SPATA21: variants seen among roughly 807,000 people sequenced by gnomAD.
SPATA21 encodes the protein spermatogenesis-associated protein 21.
Under a neutral mutation model 54.8 loss-of-function variants are expected in SPATA21, and 47 were observed. That is an observed-to-expected ratio of 0.86 (90% CI 0.68 to 1.09). The LOEUF (loss-of-function observed/expected upper bound fraction) is 1.09, where lower values mean the gene tolerates loss of function less well. SPATA21 is among the 50% of genes least tolerant of loss of function. SPATA21 has a pLI of 0.00. For synonymous variants in SPATA21, 245 were observed against 235.3 expected (o/e 1.04, Z -0.38); for missense variants, 599 against 596.4 (o/e 1.00, Z -0.05).
chr1:16,424,251 T>G (rs1224295578), intron 3 of SPATA21, among the ~76,000 whole-genome samples: 6 of 121,844 alleles, frequency 4.9e-5, no homozygotes, highest in African/African-American at 6.4e-5. Flanking sequence ...AGGCAGAGCT[T>G]GCAGTGAGCC....
At chr1:16,410,108 C>G (rs1334945483) in intron 5 of SPATA21, 65 bp from the exon 6 acceptor site, 6 of 1,308,230 alleles carry the variant, frequency 4.6e-6, no homozygotes, top group Non-Finnish European at 6.3e-6. Flanking sequence ...AATCTCCTCC[C>G]TGCCATCCCC....
At chr1:16,431,042 C>A (rs2086444788) in intron 3 of SPATA21, among the ~76,000 whole-genome samples, 1 of 152,154 alleles carries the variant, frequency 6.6e-6, no homozygotes, top group South Asian at 2.1e-4. Flanking sequence ...ATTGATCTAG[C>A]CATACCTGAA....
rs745646830 is a variant in SPATA21, at chr1:16,431,355, G to A, written c.17C>T (p.Thr6Ile). ...GGTTCTACCCTCCGTGTACATCTGG[G>A]TGTTTCTATTGTCCATGATGCCAGC... MDNRN[T>I]QMYTEEEKTV... The change falls in exon 3 of 13, where the codon ACC becomes ATC. Residue 6 changes from threonine to isoleucine, a missense_variant. Physicochemically the swap from Thr to Ile is moderately conservative, Grantham distance 89. Transcript: ENST00000335496. 1.5e-5 allele frequency: 24 copies of A among 1,614,136 alleles called. No individual in the cohort carries two copies. The highest frequency in any genetic ancestry group is 1.9e-5 in the Non-Finnish European group (23 of 1,180,022).
In SPATA21 at chr1:16,405,006, C is replaced by T; in HGVS notation, c.772G>A (p.Ala258Thr). 1 of 1,607,694 alleles carries T rather than the reference C, an allele frequency of 6.2e-7. No homozygotes were observed. Among genetic ancestry groups the T allele is most frequent in the Non-Finnish European group, 8.5e-7 (1 of 1,178,040 alleles). ...LLLMGFSVTL[A>T]QVEDALMSAD... is the part of the protein sequence containing the mutation. ...CTCATCAGGGCGTCCTCCACCTGGG[C>T]CAGCGTCACAGAGAAGCCCATTAGG... The change falls in exon 8 of 13, where the codon GCC becomes ACC. Residue 258 changes from alanine to threonine, a missense_variant. Ala to Thr is a moderately conservative substitution (Grantham distance 58). Transcript: ENST00000335496.
chr1:16,412,269 A>G lies in SPATA21; in HGVS notation c.145-2226T>C, dbSNP rs141347211. Among the ~76,000 whole-genome samples, 799 of 152,032 alleles carry G rather than the reference A, an allele frequency of 5.3e-3. 4 individuals carry two copies. Among genetic ancestry groups the G allele is most frequent in the Middle Eastern group, 0.014 (4 of 294 alleles). On this transcript the variant is annotated intron_variant, in intron 5 of 12. Transcript: ENST00000335496. ...ATTTCTTTGTCCTTCCGAATACCAG[A>G]TGTCCTCCTTGACATCTCTTCTTGG... is the stretch of plus-strand genomic sequence containing the variant.
chr1:16,429,764 G>A (rs970440254), intron 3 of SPATA21, among the ~76,000 whole-genome samples: 1 of 150,838 alleles, frequency 6.6e-6, no homozygotes, highest in Non-Finnish European at 1.5e-5. Flanking sequence ...GTGAGCCACC[G>A]CGCCCGGCTG....
intron 5 of SPATA21, among the ~76,000 whole-genome samples, chr1:16,412,989 G>T (rs113942728): frequency 6.6e-6 from 1 of 151,624 alleles, no homozygotes; most frequent in Non-Finnish European, 1.5e-5. Context: ...TCACCATGTT[G>T]GCCAGGATGG....
intron 5 of SPATA21, among the ~76,000 whole-genome samples, chr1:16,412,638 T>C (rs953068090): frequency 6.6e-6 from 1 of 151,836 alleles, no homozygotes; most frequent in African/African-American, 2.4e-5. Context: ...AATTTTTGTA[T>C]TTTTAGTAGA....
intron 8 of SPATA21, 134 bp from the exon 9 acceptor site, chr1:16,404,173 G>A (rs2085553831): frequency 6.8e-6 from 5 of 735,690 alleles, no homozygotes; most frequent in Non-Finnish European, 1.2e-5. Context: ...AGAAAACATG[G>A]GGCACACAGG....
rs141705517 is a variant in SPATA21 at position 16,409,979 on chromosome 1, G to A, written c.209C>T (p.Ala70Val). 1.4e-4 allele frequency: 219 copies of A among 1,606,032 alleles called. No individual in the cohort carries two copies. The highest frequency in any genetic ancestry group is 5.6e-4 in the South Asian group (50 of 89,874). The change falls in exon 6 of 13, where the codon GCG (alanine) becomes GTG (valine). Residue 70 changes from alanine to valine, a missense_variant. By Grantham distance (64) the Ala-to-Val change is moderately conservative. Coordinates refer to ENST00000335496, the MANE Select transcript of SPATA21 (RefSeq NM_198546.1). This position sits in a 1 kb window ranked among gnomAD's most constrained non-coding sequence, Gnocchi z 4.1. ...DRAQQQPQKP[A>V]VAAGTQSLGN... ...GAGGCTCTGTGTCCCTGCAGCCACC[G>A]CGGGCTTCTGAGGCTGCTGCTGCGC...
At chr1:16,435,512 T>C (rs951789023) in intron 1 of SPATA21, among the ~76,000 whole-genome samples, 3 of 152,078 alleles carry the variant, frequency 2.0e-5, no homozygotes, top group Admixed American at 6.6e-5. Context: ...AGACGCGGTT[T>C]TGCCATCTTG....
rs543918807 is a variant in SPATA21, at chr1:16,400,865, G to C, written c.1029C>G (p.Gly343=). The change falls in exon 11 of 13, where the codon GGC becomes GGG. Residue 343 remains glycine, a synonymous_variant. Coordinates refer to ENST00000335496, the MANE Select transcript of SPATA21 (RefSeq NM_198546.1). ...CTTCCATCTCCTGGGCCTTGCAGGT[G>C]CCTTCCTTCAGCTTTTTCTGGTAGT... The part of the protein sequence containing the change: ...TNYYQKKLKE[G]TCKAQEMEAA... The C allele has an allele frequency of 2.3e-5, 37 of 1,613,334 alleles. No individual in the cohort carries two copies. The South Asian group carries it at 4.0e-4, about 17-fold the overall frequency.
At chr1:16,413,254 T>A (rs2085905221) in intron 5 of SPATA21, among the ~76,000 whole-genome samples, 1 of 152,254 alleles carries the variant, frequency 6.6e-6, no homozygotes, top group Non-Finnish European at 1.5e-5. Context: ...AAGAATCTCA[T>A]ATAAGCAGAA....
intron 7 of SPATA21, chr1:16,408,541 G>C (rs1028463129): frequency 2.0e-6 from 2 of 985,572 alleles, no homozygotes; most frequent in East Asian, 2.3e-4. Flanking sequence ...CAGAGAGGCA[G>C]CTCTGGCACA....
intron 1 of SPATA21, among the ~76,000 whole-genome samples, chr1:16,436,441 G>C (rs537350780): frequency 6.6e-6 from 1 of 151,298 alleles, no homozygotes; most frequent in African/African-American, 2.4e-5. Flanking sequence ...TCAGGTGATG[G>C]GTGGACCAAA....
chr1:16,408,402 G>C, intron 7 of SPATA21: 3 of 930,428 alleles, frequency 3.2e-6, no homozygotes, highest in Non-Finnish European at 3.8e-6. Context: ...ATCTAGGATG[G>C]GCAGGGTTCC....
At chr1:16,426,502 G>T (rs1421394425) in intron 3 of SPATA21, among the ~76,000 whole-genome samples, 1 of 145,854 alleles carries the variant, frequency 6.9e-6, no homozygotes, top group African/African-American at 2.5e-5. Context: ...TAAGTGATCC[G>T]CCAACCTCAA....
chr1:16,412,544 C>T (rs1161963137), intron 5 of SPATA21, among the ~76,000 whole-genome samples: 1 of 152,088 alleles, frequency 6.6e-6, no homozygotes, highest in Non-Finnish European at 1.5e-5. Context: ...CTCACTGCAA[C>T]CGCTGCCTCC....
chr1:16,429,386 C>T (rs1334490946), intron 3 of SPATA21, among the ~76,000 whole-genome samples: 1 of 151,902 alleles, frequency 6.6e-6, no homozygotes, highest in Non-Finnish European at 1.5e-5. Flanking sequence ...CCTATCTCTG[C>T]CTCCCAAAGT....
Sources: allele counts gnomAD v4.1 joint callset (sites outside exome capture counted in the v4.1 genomes callset), GRCh38; gene constraint gnomAD v4.1.1; non-coding constraint Gnocchi (gnomAD v3.1); transcripts MANE v1.5; gene names NCBI Gene and HGNC (gene_info 2026-07-23, HGNC 2026-07-21).